BMPR1B: variants seen among roughly 807,000 people sequenced by gnomAD.
The protein encoded by BMPR1B is bone morphogenetic protein receptor type-1B.
In BMPR1B, 12 loss-of-function variants were observed where a neutral mutation model predicts 59.1. The ratio of observed to expected loss-of-function variants is 0.20; its 90% CI spans 0.13 to 0.33. The LOEUF (loss-of-function observed/expected upper bound fraction) is 0.33, where lower values mean the gene tolerates loss of function less well. Ranked by LOEUF, BMPR1B falls within the 10% of genes least tolerant of loss-of-function variation. BMPR1B has a pLI of 1.00. For synonymous variants in BMPR1B, 237 were observed against 207.3 expected (o/e 1.14, Z -1.23); for missense variants, 550 against 610.9 (o/e 0.90, Z 1.05).
chr4:95,098,486 A>G (rs140749403), intron 3 of BMPR1B, among the ~76,000 whole-genome samples: 275 of 152,054 alleles, frequency 1.8e-3, no homozygotes, highest in African/African-American at 6.2e-3. Flanking sequence ...GCAGTTTCTC[A>G]TTGGCCCTTT....
intron 2 of BMPR1B, among the ~76,000 whole-genome samples, chr4:94,950,549 C>A (rs1245846147): frequency 1.3e-5 from 2 of 152,126 alleles, no homozygotes; most frequent in African/African-American, 4.8e-5. Flanking sequence ...AATAGGGAAT[C>A]CTTTCCCCAT....
chr4:95,026,122 C>CTTTCTTTCTTTCTTTT (rs1553928484), intron 3 of BMPR1B, among the ~76,000 whole-genome samples: 2 of 144,342 alleles, frequency 1.4e-5, no homozygotes, highest in African/African-American at 5.3e-5. Context: ...TTCTTTCTTT[C>CTTTCTTTCTTTCTTTT]TTTCTTTCTT....
intron 1 of BMPR1B, among the ~76,000 whole-genome samples, chr4:94,763,739 A>T (rs1721866702): frequency 6.6e-6 from 1 of 152,210 alleles, no homozygotes; most frequent in African/African-American, 2.4e-5. Flanking sequence ...GTTTCCAAGG[A>T]AGTCTGTAAT....
chr4:94,862,161 GT>G (rs562533633), intron 1 of BMPR1B, among the ~76,000 whole-genome samples: 39 of 148,870 alleles, frequency 2.6e-4, no homozygotes, highest in African/African-American at 6.2e-4. Flanking sequence ...TTTTTTTGTT[GT>G]TTTTTTGAGA....
At chr4:95,154,194 G>A (rs1354244673) in intron 12 of BMPR1B, among the ~76,000 whole-genome samples, 1 of 152,238 alleles carries the variant, frequency 6.6e-6, no homozygotes, top group African/African-American at 2.4e-5. Flanking sequence ...TGTTTGCATA[G>A]TATGGAATTA....
intron 1 of BMPR1B, among the ~76,000 whole-genome samples, chr4:94,778,414 T>C (rs139095583): frequency 6.6e-6 from 1 of 152,322 alleles, no homozygotes; most frequent in African/African-American, 2.4e-5. Context: ...TGAAGATGTA[T>C]TTCACTTTCT....
At position 94,789,577 on chromosome 4, in the gene BMPR1B, A is replaced by G. The variant is rs1391151323; in HGVS notation, c.-183+31509A>G. Among the ~76,000 whole-genome samples, 6 of 152,008 alleles carry G rather than the reference A, an allele frequency of 3.9e-5. No individual in the cohort carries two copies. In the South Asian group the frequency reaches 1.3e-3, roughly 32 times the overall value. The stretch of plus-strand genomic sequence containing the variant: ...CACTTGAATTTACTTTTTGTCTAAC[A>G]TCATTTCCATAGTCTAAAATAAACA... On this transcript the variant is annotated intron_variant, in intron 1 of 12. Coordinates refer to ENST00000515059, the MANE Select transcript of BMPR1B (RefSeq NM_001203.3).
chr4:95,069,826 G>C (rs569986726), intron 3 of BMPR1B, among the ~76,000 whole-genome samples: 2 of 152,272 alleles, frequency 1.3e-5, no homozygotes, highest in South Asian at 2.1e-4. Flanking sequence ...TTGGCCAGGC[G>C]TGATGGCTCA....
chr4:94,773,128 G>A (rs1046107170), intron 1 of BMPR1B, among the ~76,000 whole-genome samples: 7 of 151,790 alleles, frequency 4.6e-5, no homozygotes, highest in Admixed American at 2.0e-4. Flanking sequence ...TCTCTTTTTC[G>A]GAAGAGGAAG....
intron 11 of BMPR1B, among the ~76,000 whole-genome samples, chr4:95,150,464 A>C (rs1034183455): frequency 3.3e-5 from 5 of 152,010 alleles, no homozygotes; most frequent in Admixed American, 1.3e-4. Context: ...GAAAAAAAAA[A>C]AAAAAACAAG....
intron 1 of BMPR1B, among the ~76,000 whole-genome samples, chr4:94,809,635 T>A (rs2110636214): frequency 6.6e-6 from 1 of 152,356 alleles, no homozygotes; most frequent in South Asian, 2.1e-4. Context: ...TTCTTTTGTG[T>A]ACATTGTACT....
intron 3 of BMPR1B, among the ~76,000 whole-genome samples, chr4:95,036,704 C>CTTTTTT (rs5860386): frequency 1.6e-5 from 2 of 128,092 alleles, no homozygotes; most frequent in African/African-American, 3.0e-5. Flanking sequence ...ATACAATTTC[C>CTTTTTT]TTTTTTTTTT....
intron 1 of BMPR1B, among the ~76,000 whole-genome samples, chr4:94,820,668 A>C (rs1196234540): frequency 6.6e-6 from 1 of 152,256 alleles, no homozygotes; most frequent in Non-Finnish European, 1.5e-5. Context: ...AGTTGTACGT[A>C]GACTCAGATT....
At chr4:94,878,869 T>G (rs993890158) in intron 2 of BMPR1B, among the ~76,000 whole-genome samples, 1 of 152,140 alleles carries the variant, frequency 6.6e-6, no homozygotes, top group Non-Finnish European at 1.5e-5. Flanking sequence ...GACCTCCTTA[T>G]GTAATTAAGA....
intron 3 of BMPR1B, among the ~76,000 whole-genome samples, chr4:94,999,811 T>C (rs916350827): frequency 2.6e-5 from 4 of 152,112 alleles, no homozygotes; most frequent in African/African-American, 9.7e-5. Flanking sequence ...ATAGTTCGGG[T>C]TTTAAGGAAA....
chr4:94,865,190 G>A (rs1578736589), intron 1 of BMPR1B, among the ~76,000 whole-genome samples: 2 of 151,800 alleles, frequency 1.3e-5, no homozygotes, highest in African/African-American at 2.4e-5. Context: ...TGTATTTTCA[G>A]TAGAGATGGA....
At chr4:95,031,058 G>A (rs1159152328) in intron 3 of BMPR1B, among the ~76,000 whole-genome samples, 2 of 151,928 alleles carry the variant, frequency 1.3e-5, no homozygotes, top group African/African-American at 2.4e-5. Flanking sequence ...AGCCCGCATC[G>A]CCAAGTCAAT....
chr4:94,866,694 C>T (rs1726260319), intron 1 of BMPR1B, among the ~76,000 whole-genome samples: 1 of 152,192 alleles, frequency 6.6e-6, no homozygotes, highest in African/African-American at 2.4e-5. Flanking sequence ...AAGCGATTCT[C>T]CTGCTTCAGC....
chr4:95,080,727 C>T (rs567284160), intron 3 of BMPR1B, among the ~76,000 whole-genome samples: 1 of 152,210 alleles, frequency 6.6e-6, no homozygotes, highest in Non-Finnish European at 1.5e-5. Flanking sequence ...TTCTTCACTC[C>T]AGTGTGCTCA....
Sources: gnomAD v4.1 joint callset for allele counts (sites outside exome capture counted in the v4.1 genomes callset) on GRCh38, gnomAD v4.1.1 for gene constraint, MANE v1.5 for transcripts, NCBI Gene and HGNC (gene_info 2026-07-23, HGNC 2026-07-21) for gene names.